PDE1C: variants seen among roughly 807,000 people sequenced by gnomAD.
PDE1C encodes the protein dual specificity calcium/calmodulin-dependent 3',5'-cyclic nucleotide phosphodiesterase 1C.
A neutral mutation model predicts 93.1 loss-of-function variants in PDE1C; 62 were observed. The observed-to-expected ratio is 0.67, with a 90% CI of 0.54 to 0.82. The LOEUF (loss-of-function observed/expected upper bound fraction) is 0.82. Ranked by LOEUF, PDE1C falls within the 40% of genes least tolerant of loss-of-function variation. The probability of loss-of-function intolerance (pLI) is 0.00; values close to 1 mark genes in which losing one functional copy is unlikely to be tolerated. For missense variants in PDE1C, 742 were observed against 884.6 expected (o/e 0.84, Z 2.04); for synonymous variants, 325 against 310.1 (o/e 1.05, Z -0.50).
intron 17 of PDE1C, among the ~76,000 whole-genome samples, chr7:31,771,236 T>C (rs1217185134): frequency 6.6e-6 from 1 of 152,252 alleles, no homozygotes; most frequent in East Asian, 1.9e-4. Context: ...CTTCCTCCTG[T>C]ACCTGTGCCC....
chr7:32,007,615 T>A (rs1786453215), intron 2 of PDE1C, among the ~76,000 whole-genome samples: 1 of 152,216 alleles, frequency 6.6e-6, no homozygotes, highest in African/African-American at 2.4e-5. Context: ...CACACTATAT[T>A]TATTTGCACA....
At chr7:31,920,759 T>C (rs1270005762) in intron 2 of PDE1C, among the ~76,000 whole-genome samples, 3 of 152,220 alleles carry the variant, frequency 2.0e-5, no homozygotes, top group South Asian at 2.1e-4. Flanking sequence ...TTAGCTCTTA[T>C]TGAGCCCAAC....
chr7:32,252,489 C>T (rs1041081497), intron 1 of PDE1C, among the ~76,000 whole-genome samples: 1 of 152,180 alleles, frequency 6.6e-6, no homozygotes, highest in African/African-American at 2.4e-5. Flanking sequence ...TTTTGAGAAA[C>T]TAACTGTGAG....
intron 2 of PDE1C, among the ~76,000 whole-genome samples, chr7:32,182,627 T>C (rs1285864551): frequency 6.6e-6 from 1 of 152,132 alleles, no homozygotes; most frequent in Non-Finnish European, 1.5e-5. Context: ...TCTCAATAAA[T>C]TAGGTATTGA....
At chr7:32,134,779 G>A (rs1433002845) in intron 3 of PDE1C, among the ~76,000 whole-genome samples, 1 of 152,162 alleles carries the variant, frequency 6.6e-6, no homozygotes, top group East Asian at 1.9e-4. Context: ...ACAAGGGGAA[G>A]GAGACAGATA....
chr7:32,401,644 G>C (rs1013446728), intron 1 of PDE1C, among the ~76,000 whole-genome samples: 1 of 152,166 alleles, frequency 6.6e-6, no homozygotes, highest in Non-Finnish European at 1.5e-5. Flanking sequence ...ACCGCAGCTT[G>C]CCCTGGGCTT....
At chr7:31,794,021 TA>T (rs1388137390) in intron 16 of PDE1C, among the ~76,000 whole-genome samples, 2 of 125,668 alleles carry the variant, frequency 1.6e-5, no homozygotes, top group African/African-American at 6.7e-5. Flanking sequence ...GATAGATAGA[TA>T]GATAGATAGA....
Position 31,873,339 on chromosome 7 carries a change from T to C in PDE1C, c.562A>G (p.Ile188Val), listed in dbSNP as rs767827130. The stretch of plus-strand genomic sequence containing the variant: ...TAACGTGTGAGTAGTTCATAGAAAA[T>C]AAATTTCAGTGCATGATCCCCACTG... The part of the protein sequence containing the change: ...EASGDHALKF[I>V]FYELLTRYDL... The change falls in exon 6 of 18, where the codon ATT becomes GTT. Residue 188 changes from isoleucine (I) to valine (V), a missense_variant. By Grantham distance (29) the Ile-to-Val change is conservative. This residue lies in a region of PDE1C where 205 missense variants were observed against 295.3 expected (regional missense o/e 0.69). Coordinates refer to ENST00000396191, the MANE Select transcript of PDE1C (RefSeq NM_001191057.4). The C allele has an allele frequency of 3.1e-6, 5 of 1,613,706 alleles. No individual in the cohort carries two copies. The highest frequency in any genetic ancestry group is 4.2e-6 in the Non-Finnish European group (5 of 1,179,754).
At chr7:31,790,647 T>C (rs2128659916) in intron 16 of PDE1C, among the ~76,000 whole-genome samples, 1 of 152,132 alleles carries the variant, frequency 6.6e-6, no homozygotes, top group South Asian at 2.1e-4. Flanking sequence ...ATCCCAACTG[T>C]TTTCATATCA....
chr7:31,652,962 T>C, the PDE1C span: 2 of 1,464,988 alleles, frequency 1.4e-6, no homozygotes, highest in Non-Finnish European at 1.8e-6. Context: ...TTCTACCCTT[T>C]GGTTAAACCC....
chr7:32,356,839 C>T (rs896270682), intron 1 of PDE1C, among the ~76,000 whole-genome samples: 1 of 152,130 alleles, frequency 6.6e-6, no homozygotes, highest in African/African-American at 2.4e-5. Flanking sequence ...TAAGTGTATT[C>T]CAGGCTGATT....
chr7:32,355,374 T>G (rs1784011281), intron 1 of PDE1C, among the ~76,000 whole-genome samples: 1 of 152,168 alleles, frequency 6.6e-6, no homozygotes, highest in South Asian at 2.1e-4. Flanking sequence ...AGAGGGGCAG[T>G]GCACACTCCA....
chr7:32,199,693 C>T (rs1804870582), intron 2 of PDE1C, among the ~76,000 whole-genome samples: 1 of 152,064 alleles, frequency 6.6e-6, no homozygotes, highest in African/African-American at 2.4e-5. Flanking sequence ...AGAGTTTCAA[C>T]TCATTTTATA....
intron 1 of PDE1C, among the ~76,000 whole-genome samples, chr7:32,305,496 C>A (rs1812975855): frequency 6.6e-6 from 1 of 152,180 alleles, no homozygotes; most frequent in African/African-American, 2.4e-5. Context: ...GTATAGTGAT[C>A]TTTTTTTCTT....
chr7:32,248,928 T>A (rs1426672151), intron 1 of PDE1C, among the ~76,000 whole-genome samples: 1 of 152,124 alleles, frequency 6.6e-6, no homozygotes, highest in Non-Finnish European at 1.5e-5. Flanking sequence ...AGGGGAGTTG[T>A]TTATGGCAAG....
intron 17 of PDE1C, among the ~76,000 whole-genome samples, chr7:31,766,403 A>C (rs1418047305): frequency 6.6e-6 from 1 of 151,782 alleles, no homozygotes; most frequent in Non-Finnish European, 1.5e-5. Context: ...AAAATCTTTA[A>C]TATAAAATCA....
At chr7:31,645,526 G>T in the PDE1C span, among the ~76,000 whole-genome samples, 8 of 151,668 alleles carry the variant, frequency 5.3e-5, no homozygotes, top group Admixed American at 4.6e-4. Flanking sequence ...TATGCTGGGT[G>T]GTTCTTGAGT....
At chr7:32,147,322 A>AAGAAAGAAAGAAAG (rs1563352989) in intron 3 of PDE1C, among the ~76,000 whole-genome samples, 1 of 144,128 alleles carries the variant, frequency 6.9e-6, no homozygotes, top group African/African-American at 2.8e-5. Flanking sequence ...GAAAGAAAGA[A>AAGAAAGAAAGAAAG]AGAAAGAAAG....
At chr7:32,409,366 AAAG>A (rs1180962301) in intron 1 of PDE1C, among the ~76,000 whole-genome samples, 1 of 152,154 alleles carries the variant, frequency 6.6e-6, no homozygotes, top group Non-Finnish European at 1.5e-5. Context: ...GTCTCAGAAA[AAAG>A]AAAAGAAAAG....
Sources: gnomAD v4.1 joint callset for allele counts (sites outside exome capture counted in the v4.1 genomes callset) on GRCh38, gnomAD v4.1.1 for gene constraint, gnomAD v4.1.1 regional missense constraint, MANE v1.5 for transcripts, NCBI Gene and HGNC (gene_info 2026-07-23, HGNC 2026-07-21) for gene names.